IL1RAPL2: variants seen among roughly 807,000 people sequenced by gnomAD.
The protein encoded by IL1RAPL2 is interleukin 1 receptor accessory protein like 2.
IL1RAPL2 carries 3 observed loss-of-function variants against 44.1 expected under a neutral mutation model. The ratio of observed to expected loss-of-function variants is 0.07; its 90% confidence interval spans 0.03 to 0.18. IL1RAPL2 has a LOEUF of 0.18. IL1RAPL2 is among the 10% of genes least tolerant of loss of function. IL1RAPL2 has a pLI of 1.00. For missense variants in IL1RAPL2, 391 were observed against 496.4 expected (o/e 0.79, Z 2.02); for synonymous variants, 181 against 178.8 (o/e 1.01, Z -0.10).
At chrX:105,341,619 G>T (rs2035070805) in intron 5 of IL1RAPL2, among the ~76,000 whole-genome samples, 1 of 112,001 alleles carries the variant, frequency 8.9e-6, no homozygotes, top group Admixed American at 9.5e-5. Flanking sequence ...TATGAGAACT[G>T]CTAGCCATGT....
intron 2 of IL1RAPL2, among the ~76,000 whole-genome samples, chrX:104,800,277 T>G (rs1406619498): frequency 9.0e-6 from 1 of 111,016 alleles, no homozygotes; most frequent in East Asian, 2.8e-4. Context: ...CTCTATTTCT[T>G]GTACAGTGGG....
intron 6 of IL1RAPL2, among the ~76,000 whole-genome samples, chrX:105,516,220 TAGAC>T (rs1009612166): frequency 1.9e-4 from 21 of 112,550 alleles, no homozygotes; most frequent in African/African-American, 6.4e-4. Flanking sequence ...ATTGTTTTCT[TAGAC>T]AGCAAATAAA....
rs210435 is a variant in IL1RAPL2, at chrX:105,709,510, G to A, written c.773-7857G>A. ...ACACTCTAGGCCAGCTACAAAATATGAGAACATCAGACCTGAAAGAGTCCT... is the reference window on the plus strand; with the variant it reads ...ACACTCTAGGCCAGCTACAAAATATAAGAACATCAGACCTGAAAGAGTCCT... On this transcript the variant is annotated intron_variant, in intron 6 of 10. Coordinates refer to ENST00000372582, the MANE Select transcript of IL1RAPL2 (RefSeq NM_017416.2). 7.2e-3 allele frequency among the ~76,000 whole-genome samples: 801 copies of A among 111,932 alleles called. 10 individuals carry two copies. The highest frequency in any genetic ancestry group is 0.061 in the South Asian group (162 of 2,666).
intron 2 of IL1RAPL2, among the ~76,000 whole-genome samples, chrX:105,076,633 G>A (rs1002189097): frequency 1.5e-4 from 17 of 111,262 alleles, no homozygotes; most frequent in Non-Finnish European, 3.2e-4. Flanking sequence ...GTCTAATGTT[G>A]ACAGTGGGGT....
intron 5 of IL1RAPL2, among the ~76,000 whole-genome samples, chrX:105,446,428 T>G (rs749821067): frequency 9.0e-6 from 1 of 111,226 alleles, no homozygotes; most frequent in African/African-American, 3.3e-5. Flanking sequence ...TTCCTCCCAT[T>G]TTGGTATTGG....
chrX:105,143,479 A>T (rs1176107090), intron 2 of IL1RAPL2, among the ~76,000 whole-genome samples: 1 of 111,792 alleles, frequency 8.9e-6, no homozygotes, highest in Non-Finnish European at 1.9e-5. Flanking sequence ...AAATAGGAAC[A>T]CTTTTACACT....
At chrX:104,622,824 A>G (rs1156556060) in intron 1 of IL1RAPL2, among the ~76,000 whole-genome samples, 1 of 112,312 alleles carries the variant, frequency 8.9e-6, no homozygotes, top group Non-Finnish European at 1.9e-5. Context: ...TAACTTGTCT[A>G]TTAGTCAGTG....
intron 6 of IL1RAPL2, among the ~76,000 whole-genome samples, chrX:105,599,437 T>C (rs374293844): frequency 6.5e-4 from 72 of 111,450 alleles, no homozygotes; most frequent in African/African-American, 2.2e-3. Context: ...ACTAGTTTTC[T>C]AGCTGTGTGG....
intron 6 of IL1RAPL2, among the ~76,000 whole-genome samples, chrX:105,616,254 C>A (rs759879908): frequency 8.9e-6 from 1 of 111,834 alleles, no homozygotes; most frequent in Non-Finnish European, 1.9e-5. Flanking sequence ...GGATAAAATG[C>A]TAGCAATAGA....
intron 2 of IL1RAPL2, among the ~76,000 whole-genome samples, chrX:104,846,879 A>G (rs1248521553): frequency 2.7e-5 from 3 of 111,417 alleles, no homozygotes; most frequent in Non-Finnish European, 5.7e-5. Flanking sequence ...ACTTTTTAAT[A>G]GTCGCCATTC....
At chrX:104,829,962 G>A (rs1247931804) in intron 2 of IL1RAPL2, among the ~76,000 whole-genome samples, 1 of 111,900 alleles carries the variant, frequency 8.9e-6, no homozygotes, top group Non-Finnish European at 1.9e-5. Flanking sequence ...TAAGGAATCT[G>A]CCTATAGTCA....
intron 2 of IL1RAPL2, among the ~76,000 whole-genome samples, chrX:104,946,004 T>G (rs997865756): frequency 2.7e-5 from 3 of 110,955 alleles, no homozygotes; most frequent in African/African-American, 9.8e-5. Flanking sequence ...TATGGTTTCA[T>G]AAGATGGATG....
intron 2 of IL1RAPL2, among the ~76,000 whole-genome samples, chrX:104,950,560 C>T (rs1925544783): frequency 8.9e-6 from 1 of 112,535 alleles, no homozygotes; most frequent in Non-Finnish European, 1.9e-5. Context: ...ACGGGCGCCC[C>T]TCCCCCAGCC....
intron 1 of IL1RAPL2, among the ~76,000 whole-genome samples, chrX:104,616,226 T>C (rs1302706661): frequency 1.8e-5 from 2 of 112,312 alleles, no homozygotes; most frequent in Admixed American, 1.9e-4. Flanking sequence ...TTTGTTTTGT[T>C]TTTGCTGTGC....
intron 5 of IL1RAPL2, among the ~76,000 whole-genome samples, chrX:105,415,506 A>G (rs2035726503): frequency 8.9e-6 from 1 of 111,903 alleles, no homozygotes; most frequent in Non-Finnish European, 1.9e-5. Context: ...GGAACATGAA[A>G]TTTGTGTCCC....
intron 2 of IL1RAPL2, among the ~76,000 whole-genome samples, chrX:104,865,966 T>C (rs1242317909): frequency 4.4e-5 from 5 of 112,425 alleles, no homozygotes; most frequent in Non-Finnish European, 9.4e-5. Flanking sequence ...TATACATATA[T>C]CCTATTAGTT....
intron 6 of IL1RAPL2, among the ~76,000 whole-genome samples, chrX:105,603,194 A>T (rs2037266626): frequency 1.8e-5 from 2 of 109,731 alleles, no homozygotes; most frequent in Non-Finnish European, 3.8e-5. Context: ...ACTGAATGTA[A>T]ATATATTAAA....
At chrX:105,441,790 G>GGTGTAT (rs2035921989) in intron 5 of IL1RAPL2, among the ~76,000 whole-genome samples, 1 of 110,735 alleles carries the variant, frequency 9.0e-6, no homozygotes, top group African/African-American at 3.3e-5. Context: ...CCAGATCTGG[G>GGTGTAT]GTGTATGTGT....
chrX:104,940,322 T>A (rs1447574342), intron 2 of IL1RAPL2, among the ~76,000 whole-genome samples: 3 of 111,762 alleles, frequency 2.7e-5, no homozygotes, highest in Admixed American at 9.6e-5. Flanking sequence ...ATGGGCTATA[T>A]GTGGATGGAT....
Sources: gnomAD v4.1 joint callset for allele counts (sites outside exome capture counted in the v4.1 genomes callset) on GRCh38, gnomAD v4.1.1 for gene constraint, MANE v1.5 for transcripts, NCBI Gene and HGNC (gene_info 2026-07-23, HGNC 2026-07-21) for gene names.